The following ASMTL variants were observed in gnomAD, a reference collection of about 807,000 sequenced individuals.
ASMTL encodes acetylserotonin O-methyltransferase like.
A neutral mutation model predicts 60.3 loss-of-function variants in ASMTL; 57 were observed. That is an observed-to-expected ratio of 0.95 (90% CI 0.76 to 1.18). The LOEUF is 1.18. ASMTL is among the 50% of genes most tolerant of loss of function. The probability of loss-of-function intolerance (pLI) is 0.00; values close to 1 mark genes in which losing one functional copy is unlikely to be tolerated. For synonymous variants in ASMTL, 419 were observed against 373.0 expected (o/e 1.12, Z -1.42); for missense variants, 981 against 852.6 (o/e 1.15, Z -1.88).
chrX:1,443,070 CGTCGTGG>C (rs1393293907), intron 1 of ASMTL, among the ~76,000 whole-genome samples: 191 of 140,252 alleles, frequency 1.4e-3, no homozygotes, highest in African/African-American at 4.9e-3. Flanking sequence ...CACACACCGT[CGTCGTGG>C]ACACACACTG....
At chrX:1,427,512 A>G (rs1372916315) in intron 7 of ASMTL, among the ~76,000 whole-genome samples, 1 of 150,858 alleles carries the variant, frequency 6.6e-6, no homozygotes, top group Admixed American at 6.6e-5. Flanking sequence ...CGTGGCAGAG[A>G]CTGGAGTGAT....
intron 3 of ASMTL, among the ~76,000 whole-genome samples, chrX:1,436,598 C>T (rs1255933116): frequency 2.0e-5 from 3 of 152,266 alleles, no homozygotes; most frequent in Non-Finnish European, 2.9e-5. Flanking sequence ...GTGATCCACC[C>T]GCCTCGGCCT....
At chrX:1,407,168 T>C (rs1366722750) in intron 12 of ASMTL, among the ~76,000 whole-genome samples, 6 of 143,418 alleles carry the variant, frequency 4.2e-5, no homozygotes, top group Non-Finnish European at 7.5e-5. Context: ...GATAGATGAA[T>C]GGATGTATAT....
Position 1,403,384 on chromosome X carries a change from T to G in ASMTL, c.1751A>C (p.Glu584Ala), listed in dbSNP as rs753091031. The G allele has an allele frequency of 3.1e-6, 5 of 1,613,354 alleles. No individual in the cohort carries two copies. The South Asian group carries it at 5.5e-5, about 18-fold the overall frequency. ...GCACTGATACTCGCCCAGGCTCCGC[T>G]CCTTGCCTTCAGTCTGCACCAGCAT... The part of the protein sequence containing the change: ...LNMLVQTEGK[E>A]RSLGEYQCLL... The change falls in exon 13 of 13, where the codon GAG becomes GCG. Residue 584 changes from glutamate (E) to alanine (A), a missense_variant. Glu to Ala is a moderately radical substitution (Grantham distance 107). Transcript: ENST00000381317.
chrX:1,444,400 G>A (rs2091190444), intron 1 of ASMTL, among the ~76,000 whole-genome samples: 1 of 151,864 alleles, frequency 6.6e-6, no homozygotes, highest in Non-Finnish European at 1.5e-5. Context: ...ATAGAGATGG[G>A]GTTTCACCAT....
intron 1 of ASMTL, among the ~76,000 whole-genome samples, chrX:1,446,563 C>G (rs1468658012): frequency 6.0e-5 from 9 of 149,978 alleles, no homozygotes; most frequent in African/African-American, 7.4e-5. Context: ...GCAGTGGTGC[C>G]ATCTCGGTTC....
intron 3 of ASMTL, among the ~76,000 whole-genome samples, chrX:1,437,186 C>A (rs1481718053): frequency 6.6e-6 from 1 of 152,038 alleles, no homozygotes; most frequent in Non-Finnish European, 1.5e-5. Flanking sequence ...GTCTGAGATC[C>A]AGGTGTGGGC....
At chrX:1,413,869 G>C (rs1226299518) in intron 11 of ASMTL, 1 of 151,518 alleles carries the variant, frequency 6.6e-6, no homozygotes, top group Admixed American at 6.6e-5. Context: ...CCAGGAGCTG[G>C]AAGAGGCGGG....
At chrX:1,416,782 C>T (rs1450424933) in intron 11 of ASMTL, among the ~76,000 whole-genome samples, 2 of 16,682 alleles carry the variant, frequency 1.2e-4, no homozygotes, top group African/African-American at 1.6e-4. Flanking sequence ...CAGACGTACA[C>T]ACAAGCACAG....
intron 9 of ASMTL, among the ~76,000 whole-genome samples, chrX:1,421,127 T>C (rs2090474489): frequency 6.8e-6 from 1 of 147,356 alleles, no homozygotes; most frequent in African/African-American, 2.6e-5. Context: ...CCCCAGCTAA[T>C]TTTTTTTTTG....
At chrX:1,433,224 A>G (rs1172476870) in intron 5 of ASMTL, among the ~76,000 whole-genome samples, 1 of 152,120 alleles carries the variant, frequency 6.6e-6, no homozygotes, top group Non-Finnish European at 1.5e-5. Context: ...ATGTGGTGAC[A>G]AGCCCCTTTC....
intron 4 of ASMTL, chrX:1,435,437 C>T: frequency 3.3e-6 from 2 of 610,418 alleles, no homozygotes; most frequent in Non-Finnish European, 5.9e-6. Context: ...CAGGACACTG[C>T]CAACTTCTCA....
At chrX:1,432,971 A>G (rs866587211) in intron 5 of ASMTL, among the ~76,000 whole-genome samples, 158 of 54,964 alleles carry the variant, frequency 2.9e-3, no homozygotes, top group Middle Eastern at 8.2e-3. Context: ...GGTGGCATGC[A>G]CCTGTCATCC....
upstream of ASMTL, among the ~76,000 whole-genome samples, chrX:1,453,268 G>C (rs778005480): frequency 1.0e-3 from 150 of 144,158 alleles, no homozygotes; most frequent in African/African-American, 3.8e-3. Flanking sequence ...ACACCTCCTT[G>C]CCCTCTCCGC....
intron 11 of ASMTL, among the ~76,000 whole-genome samples, chrX:1,414,858 G>A (rs1427533028): frequency 6.6e-6 from 1 of 152,166 alleles, no homozygotes; most frequent in Non-Finnish European, 1.5e-5. Context: ...GGGGAGGGTT[G>A]TGGAGGTCCC....
At chrX:1,433,583 G>C (rs1299841357) in intron 5 of ASMTL, among the ~76,000 whole-genome samples, 6 of 151,900 alleles carry the variant, frequency 3.9e-5, no homozygotes. Flanking sequence ...GGGAGGCTGA[G>C]GCAGGAGAAG....
chrX:1,431,418 T>C (rs1182215241), intron 6 of ASMTL, among the ~76,000 whole-genome samples: 1 of 136,756 alleles, frequency 7.3e-6, no homozygotes, highest in Admixed American at 7.9e-5. Flanking sequence ...TTAACAGTTA[T>C]ATAACCTATC....
chrX:1,414,353 TGGG>T (rs1334995855), intron 11 of ASMTL, among the ~76,000 whole-genome samples: 1 of 151,888 alleles, frequency 6.6e-6, no homozygotes, highest in Non-Finnish European at 1.5e-5. Flanking sequence ...GAGTGTGCGG[TGGG>T]AAGTCTCCAG....
chrX:1,414,618 G>C (rs1338964918), intron 11 of ASMTL, among the ~76,000 whole-genome samples: 2 of 152,052 alleles, frequency 1.3e-5, no homozygotes, highest in African/African-American at 4.8e-5. Context: ...TGAGGTGGGA[G>C]GATCCCTTGA....
Sources: allele counts gnomAD v4.1 joint callset (sites outside exome capture counted in the v4.1 genomes callset), GRCh38; gene constraint gnomAD v4.1.1; transcripts MANE v1.5; gene names NCBI Gene and HGNC (gene_info 2026-07-23, HGNC 2026-07-21).